MERTK: variants seen among roughly 807,000 people sequenced by gnomAD.
MERTK encodes tyrosine-protein kinase Mer.
Under a neutral mutation model 99.3 loss-of-function variants are expected in MERTK, and 69 were observed. That is an observed-to-expected ratio of 0.70 (90% CI 0.57 to 0.85). The LOEUF (loss-of-function observed/expected upper bound fraction) is 0.85, where lower values mean the gene tolerates loss of function less well. Ranked by LOEUF, MERTK falls within the 40% of genes least tolerant of loss-of-function variation. MERTK has a pLI of 0.00. For missense variants in MERTK, 1,125 were observed against 1,249.4 expected, an observed-to-expected ratio of 0.90 and a Z score of 1.50; for synonymous variants, 426 against 467.6, an observed-to-expected ratio of 0.91 and a Z score of 1.15.
At chr2:112,026,183 G>T (rs919669110) in intron 18 of MERTK, 1 of 154,234 alleles carries the variant, frequency 6.5e-6, no homozygotes, top group African/African-American at 2.4e-5. Flanking sequence ...TTGCCCATTT[G>T]TGGGAGTAGG....
Position 112,028,706 on chromosome 2 carries a change from G to C in MERTK, c.2842G>C (p.Ala948Pro), listed in dbSNP as rs769715767. The C allele has an allele frequency of 6.2e-7, 1 of 1,614,206 alleles. No homozygotes were observed. Among genetic ancestry groups the C allele is most frequent in the Admixed American group, 1.7e-5 (1 of 60,022 alleles). The change falls in exon 19 of 19, where the codon GCA (alanine) becomes CCA (proline). Residue 948 changes from alanine to proline, a missense_variant. By Grantham distance (27) the Ala-to-Pro change is conservative. Transcript: ENST00000295408. ...AGATCTGACTTCTGCCCCCTCTGCTGCAGTCACAGCTGAAAAGAACAGTGT... is the reference window on the plus strand; with the variant it reads ...AGATCTGACTTCTGCCCCCTCTGCTCCAGTCACAGCTGAAAAGAACAGTGT... ...WEDLTSAPSA[A>P]VTAEKNSVLP...
chr2:112,026,954 T>C (rs1393339609), intron 18 of MERTK, among the ~76,000 whole-genome samples: 4 of 151,152 alleles, frequency 2.6e-5, no homozygotes, highest in Admixed American at 2.6e-4. Flanking sequence ...TTTTGTCCAA[T>C]GACGTATGAA....
rs1467158827 is a variant in MERTK, at chr2:111,957,512, T to G, written c.758-7679T>G. On this transcript the variant is annotated intron_variant, in intron 4 of 18. Transcript: ENST00000295408. Reference sequence around the variant, plus strand: ...TTACAGCTTGCTTCCCCACCCATCCTGACCCTCTGATCGTCTTCTGTTTTT... The same window carrying G: ...TTACAGCTTGCTTCCCCACCCATCCGGACCCTCTGATCGTCTTCTGTTTTT... Among the ~76,000 whole-genome samples the G allele has an allele frequency of 4.6e-5, 7 of 152,236 alleles. No individual in the cohort carries two copies. The South Asian group carries it at 1.5e-3, about 32-fold the overall frequency.
intron 1 of MERTK, among the ~76,000 whole-genome samples, chr2:111,910,306 G>A: frequency 6.9e-6 from 1 of 145,728 alleles, no homozygotes; most frequent in Non-Finnish European, 1.5e-5. Context: ...TCTCGCTCTT[G>A]TCCCCCAGGC....
At chr2:111,976,687 A>G (rs1558794010) in intron 7 of MERTK, among the ~76,000 whole-genome samples, 1 of 151,782 alleles carries the variant, frequency 6.6e-6, no homozygotes, top group Non-Finnish European at 1.5e-5. Context: ...CGTATTTTCT[A>G]TTTGTTCTAT....
chr2:111,945,224 T>C (rs905945449), intron 3 of MERTK, among the ~76,000 whole-genome samples, 164 bp downstream of exon 3: 2 of 152,238 alleles, frequency 1.3e-5, no homozygotes, highest in Non-Finnish European at 2.9e-5. Context: ...TACTCCACTT[T>C]GTAGTCTATA....
At chr2:112,010,223 C>T (rs1367702858) in intron 15 of MERTK, 157 bp downstream of exon 15, 3 of 696,582 alleles carry the variant, frequency 4.3e-6, no homozygotes, top group Admixed American at 1.9e-5. Context: ...AATGTGGGGT[C>T]TATCCTCACA....
At chr2:111,985,787 C>G (rs1259490369) in intron 8 of MERTK, among the ~76,000 whole-genome samples, 1 of 152,070 alleles carries the variant, frequency 6.6e-6, no homozygotes, top group Non-Finnish European at 1.5e-5. Flanking sequence ...CAATTACCTC[C>G]CACCAGGACC....
At chr2:112,003,774 G>T in intron 12 of MERTK, 130 bp from the exon 13 acceptor site, 1 of 812,500 alleles carries the variant, frequency 1.2e-6, no homozygotes, top group Non-Finnish European at 2.1e-6. Flanking sequence ...GGCCTGGGCA[G>T]GCTCTGCCTG....
intron 7 of MERTK, among the ~76,000 whole-genome samples, chr2:111,977,192 T>G (rs1178074645): frequency 1.3e-5 from 2 of 152,192 alleles, no homozygotes; most frequent in African/African-American, 4.8e-5. Flanking sequence ...AATCATTTCT[T>G]CTAGTGTGGA....
rs1186129246 is a variant in MERTK, at chr2:112,028,585, T to G, written c.2721T>G (p.Thr907=). Residue 907 remains threonine (T), a synonymous_variant, in exon 19 of 19, where the codon ACT becomes ACG. Coordinates refer to ENST00000295408, the MANE Select transcript of MERTK (RefSeq NM_006343.3). The stretch of plus-strand genomic sequence containing the variant: ...CTGACTCTATAATTGCCTCCTGCAC[T>G]CCCCGCGCTGCCATCAGTGTGGTCA... ...IDPDSIIASC[T]PRAAISVVTA... 6.2e-7 allele frequency: 1 copy of G among 1,614,006 alleles called. No individual in the cohort carries two copies. The highest frequency in any genetic ancestry group is 1.7e-5 in the Admixed American group (1 of 60,002).
chr2:111,994,175 A>C (rs1206887363), intron 8 of MERTK, 76 bp from the exon 9 acceptor site: 2 of 1,560,196 alleles, frequency 1.3e-6, no homozygotes, highest in Admixed American at 3.3e-5. Context: ...GGCTTCCCTC[A>C]GAAGGAACTG....
intron 6 of MERTK, among the ~76,000 whole-genome samples, chr2:111,972,988 A>T (rs1044914376): frequency 2.6e-5 from 4 of 152,164 alleles, no homozygotes; most frequent in African/African-American, 9.7e-5. Context: ...TGAGATTCAG[A>T]TCCATGCACT....
intron 18 of MERTK, among the ~76,000 whole-genome samples, chr2:112,023,392 C>A (rs55812028): frequency 2.0e-5 from 3 of 151,748 alleles, no homozygotes; most frequent in Middle Eastern, 6.8e-3. Flanking sequence ...CCAGCCTGGG[C>A]GGCAGAGTAA....
intron 3 of MERTK, 38 bp downstream of exon 3, chr2:111,945,098 G>A: frequency 6.7e-7 from 1 of 1,498,556 alleles, no homozygotes; most frequent in Non-Finnish European, 9.3e-7. Context: ...CCAGAGAACT[G>A]TTTGTTTTAG....
At chr2:112,022,430 C>T in intron 18 of MERTK, 36 bp downstream of exon 18, 1 of 1,613,980 alleles carries the variant, frequency 6.2e-7, no homozygotes, top group African/African-American at 1.3e-5. Context: ...CCATACTCTG[C>T]ATGGGGCAGC....
chr2:111,990,949 TTC>T (rs1676603448), intron 8 of MERTK, among the ~76,000 whole-genome samples: 1 of 152,216 alleles, frequency 6.6e-6, no homozygotes, highest in Admixed American at 6.5e-5. Context: ...TTTGAGATGA[TTC>T]TCTCATAAGT....
At chr2:111,905,815 C>A (rs1684127395) in intron 1 of MERTK, among the ~76,000 whole-genome samples, 1 of 152,108 alleles carries the variant, frequency 6.6e-6, no homozygotes, top group South Asian at 2.1e-4. Context: ...TCCTTCTTGG[C>A]TAGTTCTTCA....
At chr2:111,940,680 T>C in intron 2 of MERTK, 1 of 741,514 alleles carries the variant, frequency 1.3e-6, no homozygotes, top group Non-Finnish European at 2.5e-6. Context: ...AATTTATCAA[T>C]GGTTCTGCAT....
Sources: gnomAD v4.1 joint callset for allele counts (sites outside exome capture counted in the v4.1 genomes callset) on GRCh38, gnomAD v4.1.1 for gene constraint, MANE v1.5 for transcripts, NCBI Gene and HGNC (gene_info 2026-07-23, HGNC 2026-07-21) for gene names.